The following PHACTR1 variants were observed in gnomAD, a reference collection of about 807,000 sequenced individuals.
PHACTR1 encodes the protein phosphatase and actin regulator 1.
A neutral mutation model predicts 69.2 loss-of-function variants in PHACTR1; 16 were observed. The observed-to-expected ratio is 0.23, with a 90% CI of 0.16 to 0.35. The LOEUF (loss-of-function observed/expected upper bound fraction) is 0.35, where lower values mean the gene tolerates loss of function less well. Ranked by LOEUF, PHACTR1 falls within the 10% of genes least tolerant of loss-of-function variation. The pLI is 1.00. For synonymous variants in PHACTR1, 312 were observed against 284.5 expected (o/e 1.10, Z -0.97); for missense variants, 510 against 734.7 (o/e 0.69, Z 3.54).
intron 4 of PHACTR1, among the ~76,000 whole-genome samples, chr6:12,901,378 T>A (rs930489811): frequency 2.6e-5 from 4 of 151,652 alleles, no homozygotes; most frequent in South Asian, 2.1e-4. Context: ...GGTAATGTGA[T>A]CCAAAAAGCT....
intron 4 of PHACTR1, among the ~76,000 whole-genome samples, chr6:13,047,696 G>A (rs1186792998): frequency 6.6e-6 from 1 of 152,074 alleles, no homozygotes; most frequent in African/African-American, 2.4e-5. Flanking sequence ...TCCTGCCTCT[G>A]GTGCTGACTC....
At chr6:12,824,655 A>C (rs1406934386) in intron 4 of PHACTR1, among the ~76,000 whole-genome samples, 1 of 152,182 alleles carries the variant, frequency 6.6e-6, no homozygotes, top group African/African-American at 2.4e-5. Flanking sequence ...AAAGTAGATA[A>C]AGTTATTCTT....
intron 4 of PHACTR1, among the ~76,000 whole-genome samples, chr6:12,928,352 G>A (rs1025260700): frequency 2.0e-5 from 3 of 151,940 alleles, no homozygotes; most frequent in Admixed American, 6.5e-5. Context: ...CAAAATGCCC[G>A]GCACGTTCAA....
In PHACTR1 at chr6:13,198,314, C is replaced by T. The variant is rs1458424658; in HGVS notation, c.665-7501C>T. Among the ~76,000 whole-genome samples the T allele has an allele frequency of 2.0e-5, 3 of 152,092 alleles. No homozygotes were observed. In the East Asian group the frequency reaches 5.8e-4, roughly 29 times the overall value. On this transcript the variant is annotated intron_variant, in intron 7 of 14. Transcript: ENST00000332995. ...GGCAATGCTGTGACACAGGGAAGCA[C>T]GAGGCCTTGGGGGTCCCATGGGCAG...
chr6:13,134,174 G>A (rs879228889), intron 5 of PHACTR1, among the ~76,000 whole-genome samples: 2 of 151,094 alleles, frequency 1.3e-5, no homozygotes, highest in Non-Finnish European at 1.5e-5. Context: ...GGCAGCCCCC[G>A]CCCGGCCAGC....
intron 4 of PHACTR1, among the ~76,000 whole-genome samples, chr6:12,995,136 G>C (rs1001623259): frequency 1.3e-5 from 2 of 151,880 alleles, no homozygotes; most frequent in African/African-American, 4.8e-5. Context: ...AGAACTGAAA[G>C]CAAACCTAAG....
In PHACTR1 at chr6:12,809,914, C is replaced by T. The variant is rs147241995; in HGVS notation, c.250+60124C>T. 8.5e-4 allele frequency among the ~76,000 whole-genome samples: 129 copies of T among 152,296 alleles called. 1 individual carries two copies. The highest frequency in any genetic ancestry group is 1.4e-3 in the Non-Finnish European group (98 of 68,012). ...ACAATAAATACATTTTAAAATAATT[C>T]TTATCATCTTGATATTAAAGTCTAA... On this transcript the variant is annotated intron_variant, in intron 4 of 14. Transcript: ENST00000332995.
chr6:12,921,515 G>A (rs1255831962), intron 4 of PHACTR1, among the ~76,000 whole-genome samples: 2 of 137,824 alleles, frequency 1.5e-5, no homozygotes, highest in African/African-American at 5.5e-5. Flanking sequence ...AAGGAAGGAA[G>A]GAAGGGGAGG....
rs1484927501 is a variant in PHACTR1 at position 12,832,845 on chromosome 6, TA to T, written c.250+83056del. Among the ~76,000 whole-genome samples, 9 of 152,016 alleles carry T rather than the reference TA, an allele frequency of 5.9e-5. No homozygotes were observed. The East Asian group carries it at 1.7e-3, about 29-fold the overall frequency. On this transcript the variant is annotated intron_variant, in intron 4 of 14. Transcript: ENST00000332995. ...GTAATAGACACGGGGTGTGGAATAA[TA>T]TGCTAAATGCTAAAATGCCTTCTCT...
chr6:13,233,158 A>T (rs1347990588), intron 10 of PHACTR1, among the ~76,000 whole-genome samples: 1 of 152,194 alleles, frequency 6.6e-6, no homozygotes, highest in Non-Finnish European at 1.5e-5. Context: ...AAGGGAGACA[A>T]TCCCAGCCTC....
At chr6:13,131,192 C>CAT (rs56106825) in intron 5 of PHACTR1, among the ~76,000 whole-genome samples, 2 of 133,606 alleles carry the variant, frequency 1.5e-5, no homozygotes, top group Admixed American at 7.4e-5. Context: ...CACACACACA[C>CAT]ATATATATAT....
intron 4 of PHACTR1, among the ~76,000 whole-genome samples, chr6:12,758,254 C>G (rs925842345): frequency 6.6e-6 from 1 of 151,834 alleles, no homozygotes; most frequent in African/African-American, 2.4e-5. Context: ...ACCAGCCTGA[C>G]CAACATGGTG....
At chr6:13,181,339 C>T (rs73371752) in intron 6 of PHACTR1, among the ~76,000 whole-genome samples, 1,814 of 152,292 alleles carry the variant, frequency 0.012, 34 homozygotes, top group African/African-American at 0.042. Context: ...TTCTTTTCTA[C>T]GAGTTGTCAT....
chr6:13,160,836 G>A (rs531525433), intron 6 of PHACTR1, among the ~76,000 whole-genome samples: 15 of 152,286 alleles, frequency 9.8e-5, no homozygotes, highest in African/African-American at 3.4e-4. Flanking sequence ...CTCTGTGAAT[G>A]TGTCCACAGA....
At chr6:12,933,591 T>C in intron 4 of PHACTR1, 1 of 1,605,638 alleles carries the variant, frequency 6.2e-7, no homozygotes, top group Non-Finnish European at 8.5e-7. Flanking sequence ...TTATCTGACC[T>C]GGGCTCACAC....
intron 4 of PHACTR1, among the ~76,000 whole-genome samples, chr6:12,764,443 A>G (rs186731939): frequency 1.3e-5 from 2 of 152,248 alleles, no homozygotes; most frequent in Admixed American, 1.3e-4. Flanking sequence ...AGTTTCATTT[A>G]TCTTGTGGTT....
At chr6:13,025,699 G>GTGTC (rs1561709702) in intron 4 of PHACTR1, among the ~76,000 whole-genome samples, 2 of 151,876 alleles carry the variant, frequency 1.3e-5, no homozygotes, top group African/African-American at 4.8e-5. Flanking sequence ...GTGTGTGTGT[G>GTGTC]TGTGTGTGTG....
intron 5 of PHACTR1, among the ~76,000 whole-genome samples, chr6:13,082,791 G>A (rs1404748877): frequency 6.6e-6 from 1 of 152,028 alleles, no homozygotes; most frequent in Non-Finnish European, 1.5e-5. Context: ...TTTTTGATGG[G>A]GTTGTTTTTT....
At chr6:12,747,520 G>A (rs1283172317) in intron 3 of PHACTR1, among the ~76,000 whole-genome samples, 2 of 151,966 alleles carry the variant, frequency 1.3e-5, no homozygotes, top group Non-Finnish European at 2.9e-5. Context: ...AAAAAAATTA[G>A]TTGGGCATGG....
Sources: gnomAD v4.1 joint callset for allele counts (sites outside exome capture counted in the v4.1 genomes callset) on GRCh38, gnomAD v4.1.1 for gene constraint, MANE v1.5 for transcripts, NCBI Gene and HGNC (gene_info 2026-07-23, HGNC 2026-07-21) for gene names.